The following DNAAF9 variants were observed in gnomAD, a reference collection of about 807,000 sequenced individuals.
DNAAF9 encodes shulin.
Under a neutral mutation model 167.0 loss-of-function variants are expected in DNAAF9, and 90 were observed. The ratio of observed to expected loss-of-function variants is 0.54; its 90% CI spans 0.45 to 0.64. DNAAF9 has a LOEUF of 0.64. DNAAF9 is among the 30% of genes least tolerant of loss of function. DNAAF9 has a pLI of 0.00. For synonymous variants in DNAAF9, 491 were observed against 508.8 expected (o/e 0.96, Z 0.47); for missense variants, 1,315 against 1,442.2 (o/e 0.91, Z 1.43).
At chr20:3,383,269 C>T (rs898210819) in intron 1 of DNAAF9, among the ~76,000 whole-genome samples, 1 of 133,344 alleles carries the variant, frequency 7.5e-6, no homozygotes, top group South Asian at 2.5e-4. Flanking sequence ...CATTCCCTAA[C>T]ACTTTTTTTT....
At chr20:3,299,755 C>A (rs2069150672) in intron 21 of DNAAF9, among the ~76,000 whole-genome samples, 1 of 152,234 alleles carries the variant, frequency 6.6e-6, no homozygotes, top group Non-Finnish European at 1.5e-5. Flanking sequence ...CTTTTGCCAG[C>A]AGCAAACTGT....
In DNAAF9 at chr20:3,312,215, C is replaced by T. The variant is rs374670436; in HGVS notation, c.1678+2818G>A. Among the ~76,000 whole-genome samples the T allele has an allele frequency of 2.9e-3, 435 of 152,086 alleles. 2 individuals are homozygous for T. The highest frequency in any genetic ancestry group is 0.01 in the African/African-American group (420 of 41,522). The stretch of plus-strand genomic sequence containing the variant: ...GTTGGTCAGGCTGGTCTCGAACTCC[C>T]GACTTCAGGTGATTCGCCCGCCTTG... On this transcript the variant is annotated intron_variant, in intron 20 of 36. Coordinates refer to ENST00000252032, the MANE Select transcript of DNAAF9 (RefSeq NM_001009984.3).
chr20:3,314,491 T>C (rs1290129034), intron 20 of DNAAF9, among the ~76,000 whole-genome samples: 1 of 152,040 alleles, frequency 6.6e-6, no homozygotes, highest in Non-Finnish European at 1.5e-5. Context: ...ACCAACAAAA[T>C]GGGGACCTCA....
Position 3,304,612 on chromosome 20 carries a change from T to A in DNAAF9, c.1679-69A>T, listed in dbSNP as rs1041843790. 5 of 744,878 alleles carry A rather than the reference T, an allele frequency of 6.7e-6. No homozygotes were observed. In the African/African-American group the frequency reaches 8.9e-5, roughly 13 times the overall value. The allele number at this position is 744,878 out of a possible 1,614,324, so 46.1% of individuals were successfully genotyped here. On this transcript the variant is annotated intron_variant, in intron 20 of 36. Coordinates refer to ENST00000252032, the MANE Select transcript of DNAAF9 (RefSeq NM_001009984.3). ...TGGGGGTCAGATTCCAATGTCCTCT[T>A]GTACAGCAGTGTGGTAACTAGAGGC...
intron 21 of DNAAF9, 32 bp downstream of exon 21, chr20:3,304,408 C>A (rs2122986414): frequency 1.0e-6 from 1 of 976,150 alleles, no homozygotes; most frequent in Non-Finnish European, 1.7e-6. Flanking sequence ...AACTTTCCGA[C>A]CAAAAAAGCC....
At chr20:3,341,687 T>C (rs1444417695) in intron 9 of DNAAF9, among the ~76,000 whole-genome samples, 2 of 152,200 alleles carry the variant, frequency 1.3e-5, no homozygotes, top group Non-Finnish European at 2.9e-5. Context: ...CCATGATTTC[T>C]TCCCTGGACA....
intron 21 of DNAAF9, among the ~76,000 whole-genome samples, chr20:3,302,809 T>A (rs1275115904): frequency 6.6e-6 from 1 of 151,798 alleles, no homozygotes; most frequent in Non-Finnish European, 1.5e-5. Flanking sequence ...AAAAAGGGCA[T>A]GAGAAAACAT....
chr20:3,402,182 T>C (rs1195108530), intron 1 of DNAAF9, among the ~76,000 whole-genome samples: 2 of 152,152 alleles, frequency 1.3e-5, no homozygotes, highest in Non-Finnish European at 2.9e-5. Context: ...GCATTCCTGA[T>C]CCTATCTATG....
At chr20:3,278,238 G>A in intron 29 of DNAAF9, among the ~76,000 whole-genome samples, 1 of 152,124 alleles carries the variant, frequency 6.6e-6, no homozygotes. Context: ...GGGTGCATAG[G>A]GGTGGGAGGT....
At chr20:3,352,397 T>A (rs1164827576) in intron 7 of DNAAF9, among the ~76,000 whole-genome samples, 1 of 152,220 alleles carries the variant, frequency 6.6e-6, no homozygotes, top group Non-Finnish European at 1.5e-5. Context: ...GGTTATCCCC[T>A]TCTGGACTCT....
At chr20:3,363,354 C>T (rs2083388761) in intron 6 of DNAAF9, among the ~76,000 whole-genome samples, 1 of 147,288 alleles carries the variant, frequency 6.8e-6, no homozygotes, top group African/African-American at 2.5e-5. Context: ...ATCCCAGCTA[C>T]TTAGGAGGCT....
At chr20:3,380,477 T>C (rs2083633505) in intron 3 of DNAAF9, among the ~76,000 whole-genome samples, 1 of 152,174 alleles carries the variant, frequency 6.6e-6, no homozygotes, top group Non-Finnish European at 1.5e-5. Flanking sequence ...TAGGTGACTG[T>C]TCTGTGCATT....
intron 6 of DNAAF9, among the ~76,000 whole-genome samples, chr20:3,365,089 G>C (rs1316736941): frequency 6.6e-6 from 1 of 151,870 alleles, no homozygotes; most frequent in Non-Finnish European, 1.5e-5. Context: ...TCCTGCCTCA[G>C]CCTCCAGAGT....
chr20:3,339,871 C>A (rs1428133043), intron 10 of DNAAF9, among the ~76,000 whole-genome samples: 2 of 152,194 alleles, frequency 1.3e-5, no homozygotes, highest in African/African-American at 4.8e-5. Flanking sequence ...GCCTGGGTGA[C>A]AGAGTGAGAC....
chr20:3,310,388 A>AGAAAGAAAGAAAGAAAGAAAGAAAGAAT (rs1491207193), intron 20 of DNAAF9, among the ~76,000 whole-genome samples: 1 of 151,122 alleles, frequency 6.6e-6, no homozygotes, highest in African/African-American at 2.4e-5. Context: ...AAAGAAAGAA[A>AGAAAGAAAGAAAGAAAGAAAGAAAGAAT]GAATTCCTAA....
At chr20:3,389,452 T>C (rs1033413279) in intron 1 of DNAAF9, among the ~76,000 whole-genome samples, 23 of 151,860 alleles carry the variant, frequency 1.5e-4, no homozygotes, top group Admixed American at 1.4e-3. Flanking sequence ...ACCTGGCCAA[T>C]TTTAAAAATT....
At chr20:3,371,047 TC>T (rs1180700894) in intron 6 of DNAAF9, among the ~76,000 whole-genome samples, 2 of 152,114 alleles carry the variant, frequency 1.3e-5, no homozygotes, top group African/African-American at 4.8e-5. Flanking sequence ...TTCATCATCT[TC>T]CTTCCCATTG....
chr20:3,302,965 G>A lies in DNAAF9; in HGVS notation c.1782+1475C>T, dbSNP rs116443992. Among the ~76,000 whole-genome samples the A allele has an allele frequency of 4.1e-3, 619 of 152,272 alleles. 8 individuals carry two copies. Among genetic ancestry groups the A allele is most frequent in the African/African-American group, 0.014 (591 of 41,546 alleles). On this transcript the variant is annotated intron_variant, in intron 21 of 36. Coordinates refer to ENST00000252032, the MANE Select transcript of DNAAF9 (RefSeq NM_001009984.3). The stretch of plus-strand genomic sequence containing the variant: ...AAAATCAGTAACTGGTCAGCTGGGT[G>A]TGGTGGCTCATGCCTGTAATCCCAG...
chr20:3,342,522 T>A (rs1416761450), intron 9 of DNAAF9, among the ~76,000 whole-genome samples: 1 of 152,214 alleles, frequency 6.6e-6, no homozygotes, highest in Non-Finnish European at 1.5e-5. Flanking sequence ...ATTTGATGAC[T>A]CTATCCTCTA....
Sources: allele counts gnomAD v4.1 joint callset (sites outside exome capture counted in the v4.1 genomes callset), GRCh38; gene constraint gnomAD v4.1.1; transcripts MANE v1.5; gene names NCBI Gene and HGNC (gene_info 2026-07-23, HGNC 2026-07-21).